The following IQCM variants were observed in gnomAD, a reference collection of about 807,000 sequenced individuals.
The protein encoded by IQCM is IQ motif containing M.
IQCM carries 45 observed loss-of-function variants against 57.6 expected under a neutral mutation model. The observed-to-expected ratio is 0.78, with a 90% CI of 0.62 to 1.00. The LOEUF (loss-of-function observed/expected upper bound fraction) is 1.00, where lower values mean the gene tolerates loss of function less well. Among genes scored for constraint, IQCM ranks in the 50% least tolerant of loss-of-function variants. The probability of loss-of-function intolerance (pLI) is 0.00; values close to 1 mark genes in which losing one functional copy is unlikely to be tolerated. For missense variants in IQCM, 468 were observed against 511.6 expected, an observed-to-expected ratio of 0.91 and a Z score of 0.82; for synonymous variants, 148 against 158.9, an observed-to-expected ratio of 0.93 and a Z score of 0.51.
intron 12 of IQCM, among the ~76,000 whole-genome samples, chr4:149,529,019 T>C (rs114409867): frequency 0.015 from 2,332 of 152,174 alleles, 30 homozygotes; most frequent in Non-Finnish European, 0.025. Context: ...AGACATAATA[T>C]TTAATGAGCA....
intron 3 of IQCM, among the ~76,000 whole-genome samples, chr4:149,735,828 T>C (rs1766885031): frequency 6.6e-6 from 1 of 152,184 alleles, no homozygotes; most frequent in African/African-American, 2.4e-5. Flanking sequence ...ACCTTCCAAC[T>C]TGTTGATAAA....
intron 2 of IQCM, among the ~76,000 whole-genome samples, chr4:149,807,573 T>C (rs1047998054): frequency 4.0e-5 from 6 of 151,786 alleles, no homozygotes; most frequent in East Asian, 3.9e-4. Flanking sequence ...ACAGCAAAAA[T>C]AGACAAAAGA....
intron 12 of IQCM, among the ~76,000 whole-genome samples, chr4:149,440,265 C>CA (rs1417121781): frequency 6.6e-6 from 1 of 151,632 alleles, no homozygotes; most frequent in African/African-American, 2.4e-5. Context: ...CAGCGCCCAG[C>CA]AAGTGTAGCT....
chr4:149,431,898 T>C (rs1049425905), intron 13 of IQCM, among the ~76,000 whole-genome samples: 2 of 151,798 alleles, frequency 1.3e-5, no homozygotes, highest in African/African-American at 4.8e-5. Context: ...AGCTGTGTTG[T>C]TTCCAGCTTT....
chr4:149,795,053 G>T (rs965525117), intron 2 of IQCM, among the ~76,000 whole-genome samples: 1 of 152,116 alleles, frequency 6.6e-6, no homozygotes, highest in African/African-American at 2.4e-5. Flanking sequence ...AAATGGAAAC[G>T]CTAAAAAGAA....
intron 11 of IQCM, among the ~76,000 whole-genome samples, chr4:149,551,473 C>G (rs1208591378): frequency 6.6e-6 from 1 of 151,924 alleles, no homozygotes; most frequent in African/African-American, 2.4e-5. Context: ...GAAAAATAAG[C>G]AACATTCCAT....
At chr4:149,362,868 A>T (rs1184226080) in intron 13 of IQCM, among the ~76,000 whole-genome samples, 1 of 152,154 alleles carries the variant, frequency 6.6e-6, no homozygotes, top group Non-Finnish European at 1.5e-5. Flanking sequence ...TTGGGGAAAA[A>T]CTTTTAGTAA....
intron 7 of IQCM, among the ~76,000 whole-genome samples, chr4:149,672,919 A>C (rs920508115): frequency 2.4e-4 from 36 of 152,216 alleles, no homozygotes; most frequent in African/African-American, 7.0e-4. Context: ...TCAGACTAAC[A>C]GCAGATCTTT....
chr4:149,573,726 A>G (rs2149966030), intron 9 of IQCM, among the ~76,000 whole-genome samples: 1 of 151,662 alleles, frequency 6.6e-6, no homozygotes, highest in South Asian at 2.1e-4. Context: ...GCTTGAGCCC[A>G]GGAGTGAGAA....
intron 5 of IQCM, among the ~76,000 whole-genome samples, chr4:149,719,768 AATCTAAT>A (rs1312975139): frequency 6.6e-6 from 1 of 152,216 alleles, no homozygotes; most frequent in African/African-American, 2.4e-5. Context: ...CCAAGAGAAT[AATCTAAT>A]ACCATTGGCT....
At chr4:149,652,247 G>T (rs1759250940) in intron 7 of IQCM, among the ~76,000 whole-genome samples, 1 of 152,014 alleles carries the variant, frequency 6.6e-6, no homozygotes, top group South Asian at 2.1e-4. Context: ...GCTGAACAAT[G>T]AGAACACATG....
At chr4:149,410,412 A>C (rs1374034329) in intron 13 of IQCM, among the ~76,000 whole-genome samples, 1 of 150,202 alleles carries the variant, frequency 6.7e-6, no homozygotes, top group Non-Finnish European at 1.5e-5. Context: ...ATATATATAT[A>C]CACACACCTG....
intron 10 of IQCM, among the ~76,000 whole-genome samples, chr4:149,558,043 G>T (rs1749756217): frequency 6.6e-6 from 1 of 152,138 alleles, no homozygotes; most frequent in African/African-American, 2.4e-5. Context: ...TCCTTGTACT[G>T]CCTTTCAAGT....
At chr4:149,564,753 C>T (rs938359137) in intron 9 of IQCM, among the ~76,000 whole-genome samples, 6 of 152,152 alleles carry the variant, frequency 3.9e-5, no homozygotes, top group Non-Finnish European at 5.9e-5. Flanking sequence ...GCTCCTCAGC[C>T]TGCAGACGGC....
intron 7 of IQCM, among the ~76,000 whole-genome samples, chr4:149,632,146 A>T (rs770479903): frequency 2.0e-5 from 3 of 152,224 alleles, no homozygotes; most frequent in Non-Finnish European, 4.4e-5. Context: ...ACTGAGAATG[A>T]CTGGGGTCAG....
chr4:149,732,654 AG>A (rs968853400), intron 5 of IQCM, among the ~76,000 whole-genome samples: 2 of 152,196 alleles, frequency 1.3e-5, no homozygotes, highest in African/African-American at 4.8e-5. Flanking sequence ...ATAACGTAAG[AG>A]GAAAAAAATA....
At chr4:149,663,882 T>G (rs1760453815) in intron 7 of IQCM, among the ~76,000 whole-genome samples, 1 of 152,174 alleles carries the variant, frequency 6.6e-6, no homozygotes, top group South Asian at 2.1e-4. Flanking sequence ...TCCCTAGACT[T>G]GGGAAGGTTT....
chr4:149,625,914 C>T (rs563854328), intron 7 of IQCM, among the ~76,000 whole-genome samples: 47 of 152,224 alleles, frequency 3.1e-4, no homozygotes, highest in Middle Eastern at 3.4e-3. Context: ...CCAGTTAATA[C>T]TCATGGATAC....
chr4:149,662,735 TG>T (rs1489922283), intron 7 of IQCM, among the ~76,000 whole-genome samples: 1 of 152,044 alleles, frequency 6.6e-6, no homozygotes, highest in African/African-American at 2.4e-5. Context: ...TGCTCAGTTT[TG>T]TTTTCCATTT....
Sources: gnomAD v4.1 joint callset for allele counts (sites outside exome capture counted in the v4.1 genomes callset) on GRCh38, gnomAD v4.1.1 for gene constraint, MANE v1.5 for transcripts, NCBI Gene and HGNC (gene_info 2026-07-23, HGNC 2026-07-21) for gene names.